The following AOX1 variants were observed in gnomAD, a reference collection of about 807,000 sequenced individuals.
AOX1 encodes aldehyde oxidase 1.
AOX1 carries 153 observed loss-of-function variants against 169.5 expected under a neutral mutation model. The ratio of observed to expected loss-of-function variants is 0.90; its 90% CI spans 0.79 to 1.03. The LOEUF (loss-of-function observed/expected upper bound fraction) is 1.03. Ranked by LOEUF, AOX1 falls within the 50% of genes least tolerant of loss-of-function variation. The probability of loss-of-function intolerance (pLI) is 0.00; values close to 1 mark genes in which losing one functional copy is unlikely to be tolerated. For synonymous variants in AOX1, 562 were observed against 581.9 expected, an observed-to-expected ratio of 0.97 and a Z score of 0.49; for missense variants, 1,656 against 1,663.9, an observed-to-expected ratio of 1.00 and a Z score of 0.08.
In AOX1 at chr2:200,611,360, G is replaced by A. The variant is rs1183512175; in HGVS notation, c.1154-24G>A. ...ATTTAACAGACCAAACAGATCCCAG[G>A]GAAAGTGTCATTTCTTTCCACAGAA... On this transcript the variant is annotated intron_variant, in intron 12 of 34. Transcript: ENST00000374700. 4 of 1,524,738 alleles carry A rather than the reference G, an allele frequency of 2.6e-6. No homozygotes were observed. In the Admixed American group the frequency reaches 5.0e-5, roughly 19 times the overall value. 94.5% of individuals were successfully genotyped at this position (1,524,738 alleles called of 1,614,324 possible). A position where few individuals can be genotyped will look rare whatever the true frequency, so the allele number is the denominator to read the frequency against.
Position 200,602,417 on chromosome 2 carries a change from TA to T in AOX1, c.498+73del, listed in dbSNP as rs544410303. 2,285 of 1,346,228 alleles carry T rather than the reference TA, an allele frequency of 1.7e-3. 39 individuals are homozygous for T. In the Admixed American group the frequency reaches 0.029, roughly 17 times the overall value. The allele number at this position is 1,346,228 out of a possible 1,614,324, so 83.4% of individuals were successfully genotyped here. ...CGAAATGGTAATGGTTGTCAGTGAT[TA>T]GGGGGGCAGCCATCTTACTAATACA... On this transcript the variant is annotated intron_variant, in intron 6 of 34. Coordinates refer to ENST00000374700, the MANE Select transcript of AOX1 (RefSeq NM_001159.4).
exon 5 of AOX1, chr2:200,676,950 A>G (rs1386587134): frequency 2.1e-6 from 1 of 470,526 alleles, no homozygotes; most frequent in Middle Eastern, 3.3e-4. Flanking sequence ...GATTCAGCCA[A>G]TGCTGGTGGC....
At chr2:200,594,036 A>G (rs906410368) in intron 2 of AOX1, among the ~76,000 whole-genome samples, 1 of 152,298 alleles carries the variant, frequency 6.6e-6, no homozygotes, top group South Asian at 2.1e-4. Context: ...GTTCTTCAGG[A>G]TGTGGACACC....
At chr2:200,605,051 C>T (rs1411741543) in intron 9 of AOX1, among the ~76,000 whole-genome samples, 1 of 152,196 alleles carries the variant, frequency 6.6e-6, no homozygotes, top group Non-Finnish European at 1.5e-5. Flanking sequence ...CTTATTGGAG[C>T]AGTGTCAAGA....
intron 1 of AOX1, among the ~76,000 whole-genome samples, chr2:200,588,793 A>C (rs1310051703): frequency 7.4e-6 from 1 of 135,484 alleles, no homozygotes; most frequent in Non-Finnish European, 1.5e-5. Flanking sequence ...TGGGACTATG[A>C]AACTGCAAGC....
intron 5 of AOX1, among the ~76,000 whole-genome samples, chr2:200,601,740 C>T (rs575185462): frequency 6.6e-6 from 1 of 152,188 alleles, no homozygotes; most frequent in Admixed American, 6.5e-5. Context: ...TGAGACCAGA[C>T]TGGCCAACAT....
intron 7 of AOX1, 92 bp from the exon 8 acceptor site, chr2:200,603,925 A>G: frequency 1.1e-6 from 1 of 870,418 alleles, no homozygotes; most frequent in Non-Finnish European, 1.9e-6. Flanking sequence ...GGTTTGCTGT[A>G]TCTGACTGTG....
At chr2:200,626,104 A>G (rs1378491260) in intron 19 of AOX1, among the ~76,000 whole-genome samples, 1 of 152,248 alleles carries the variant, frequency 6.6e-6, no homozygotes, top group South Asian at 2.1e-4. Flanking sequence ...TCAGTTTCAC[A>G]CATTAACTTA....
chr2:200,656,823 T>A lies in AOX1; in HGVS notation c.3076-19T>A, dbSNP rs781779268. On this transcript the variant is annotated intron_variant, in intron 26 of 34. Transcript: ENST00000374700. ...ATATCAAAAAGATCACAGAAACAGT[T>A]TTCGTCTTTTCTGCTCAGGCTGCTG... The A allele has an allele frequency of 9.4e-6, 14 of 1,491,980 alleles. No homozygotes were observed. The highest frequency in any genetic ancestry group is 9.0e-6 in the Non-Finnish European group (10 of 1,110,970). 92.4% of individuals were successfully genotyped at this position (1,491,980 alleles called of 1,614,324 possible). A position where few individuals can be genotyped will look rare whatever the true frequency, so the allele number is the denominator to read the frequency against.
rs778010282 is a variant in AOX1, at chr2:200,613,852, T to A, written c.1497T>A (p.Asn499Lys). 1 of 1,612,718 alleles carries A rather than the reference T, an allele frequency of 6.2e-7. No homozygotes were observed. The highest frequency in any genetic ancestry group is 1.3e-5 in the African/African-American group (1 of 75,006). ...MLDIACRLIL[N>K]EVSLLGSAPG... is the part of the protein sequence containing the mutation. Reference sequence around the variant, plus strand: ...ATATAGCCTGCAGGCTTATTCTGAATGAAGTCTCCCTTTTGGGCTCGGCGC... The same window carrying A: ...ATATAGCCTGCAGGCTTATTCTGAAAGAAGTCTCCCTTTTGGGCTCGGCGC... The change falls in exon 15 of 35, where the codon AAT becomes AAA. Residue 499 changes from asparagine to lysine, a missense_variant. Physicochemically the swap from Asn to Lys is moderately conservative, Grantham distance 94. Transcript: ENST00000374700.
intron 23 of AOX1, among the ~76,000 whole-genome samples, chr2:200,640,479 C>A (rs1284362360): frequency 1.3e-5 from 2 of 152,100 alleles, no homozygotes; most frequent in African/African-American, 4.8e-5. Context: ...GAGATGGGTC[C>A]AAGAGCCATT....
downstream of AOX1, among the ~76,000 whole-genome samples, chr2:200,675,356 T>G (rs189040279): frequency 2.0e-3 from 307 of 152,248 alleles, no homozygotes; most frequent in African/African-American, 7.0e-3. Context: ...GTACAAATAC[T>G]CACTAATTGT....
At chr2:200,620,276 G>A (rs1213211100) in intron 16 of AOX1, among the ~76,000 whole-genome samples, 1 of 149,360 alleles carries the variant, frequency 6.7e-6, no homozygotes, top group Non-Finnish European at 1.5e-5. Context: ...TTGGCTCGCT[G>A]CAACCTCTGC....
intron 1 of AOX1, among the ~76,000 whole-genome samples, chr2:200,587,569 T>C: frequency 6.6e-6 from 1 of 152,184 alleles, no homozygotes; most frequent in East Asian, 1.9e-4. Context: ...AAATTGTACA[T>C]TAGGCCCCTC....
At chr2:200,650,052 T>A (rs955619909) in intron 25 of AOX1, among the ~76,000 whole-genome samples, 1 of 152,172 alleles carries the variant, frequency 6.6e-6, no homozygotes, top group African/African-American at 2.4e-5. Flanking sequence ...CCAATTCATC[T>A]ACCAGCTTTC....
chr2:200,638,961 A>G (rs189249566), intron 23 of AOX1, among the ~76,000 whole-genome samples: 10 of 152,300 alleles, frequency 6.6e-5, no homozygotes, highest in South Asian at 2.1e-4. Context: ...AAAATCATTC[A>G]GGGACTGGAG....
Position 200,602,392 on chromosome 2 carries a change from C to T in AOX1, c.498+47C>T, listed in dbSNP as rs374571469. 2.0e-4 allele frequency: 307 copies of T among 1,543,880 alleles called. 1 individual carries two copies. Among genetic ancestry groups the T allele is most frequent in the African/African-American group, 1.4e-3 (102 of 73,526 alleles). On this transcript the variant is annotated intron_variant, in intron 6 of 34. Transcript: ENST00000374700. ...TTTGAGTATGTTTTCCCCAGTGAAA[C>T]GAAATGGTAATGGTTGTCAGTGATT... is the stretch of plus-strand genomic sequence containing the variant.
intron 25 of AOX1, among the ~76,000 whole-genome samples, chr2:200,648,811 G>A (rs1443429267): frequency 6.6e-6 from 1 of 152,056 alleles, no homozygotes; most frequent in Admixed American, 6.5e-5. Context: ...CTGGAGTTGT[G>A]TACCTAGGAG....
rs539105734 is a variant in AOX1 at position 200,613,813 on chromosome 2, C to T, written c.1458C>T (p.Asn486=). The T allele has an allele frequency of 6.9e-5, 111 of 1,611,858 alleles. No individual in the cohort carries two copies. The South Asian group carries it at 7.8e-4, about 11-fold the overall frequency. ...SCQKLIGRHW[N]EQMLDIACRL... is the part of the protein sequence containing the mutation. ...TCTTTGGACTTTCCAGGCACTGGAA[C>T]GAACAGATGCTGGATATAGCCTGCA... is the stretch of plus-strand genomic sequence containing the variant. The change falls in exon 15 of 35, where the codon AAC becomes AAT. Residue 486 remains asparagine (N), a synonymous_variant. Coordinates refer to ENST00000374700, the MANE Select transcript of AOX1 (RefSeq NM_001159.4).
Sources: allele counts gnomAD v4.1 joint callset (sites outside exome capture counted in the v4.1 genomes callset), GRCh38; gene constraint gnomAD v4.1.1; transcripts MANE v1.5; gene names NCBI Gene and HGNC (gene_info 2026-07-23, HGNC 2026-07-21).